Variants in THSD7A observed in about 807,000 individuals in gnomAD.
THSD7A encodes thrombospondin type-1 domain-containing protein 7A.
THSD7A carries 96 observed loss-of-function variants against 231.3 expected under a neutral mutation model. That is an observed-to-expected ratio of 0.41 (90% CI 0.35 to 0.49). THSD7A has a LOEUF of 0.49. THSD7A is among the 20% of genes least tolerant of loss of function. The pLI is 0.05. For synonymous variants in THSD7A, 940 were observed against 743.3 expected, an observed-to-expected ratio of 1.26 and a Z score of -4.30; for missense variants, 2,290 against 2,070.2, an observed-to-expected ratio of 1.11 and a Z score of -2.06.
intron 2 of THSD7A, among the ~76,000 whole-genome samples, chr7:11,611,283 A>T (rs1353610353): frequency 1.3e-5 from 2 of 152,132 alleles, no homozygotes; most frequent in African/African-American, 4.8e-5. Context: ...AAGTATATGC[A>T]GATGACACTT....
intron 2 of THSD7A, among the ~76,000 whole-genome samples, chr7:11,607,799 T>C (rs1448798420): frequency 6.6e-6 from 1 of 152,076 alleles, no homozygotes; most frequent in Non-Finnish European, 1.5e-5. Context: ...AGAGGTCTTT[T>C]CCCTTGCTTT....
intron 1 of THSD7A, among the ~76,000 whole-genome samples, chr7:11,810,185 C>G (rs1020961364): frequency 2.0e-5 from 3 of 152,096 alleles, no homozygotes; most frequent in Admixed American, 2.0e-4. Flanking sequence ...GTTGAGAGCA[C>G]CAGCAGGGAG....
At chr7:11,680,560 C>T (rs1241526145) in intron 1 of THSD7A, among the ~76,000 whole-genome samples, 1 of 152,154 alleles carries the variant, frequency 6.6e-6, no homozygotes, top group Non-Finnish European at 1.5e-5. Flanking sequence ...AGACACTTCT[C>T]AAAAGAAGAT....
At chr7:11,763,868 A>C (rs1782943586) in intron 1 of THSD7A, among the ~76,000 whole-genome samples, 1 of 152,148 alleles carries the variant, frequency 6.6e-6, no homozygotes, top group African/African-American at 2.4e-5. Flanking sequence ...TATTAGTTGG[A>C]GCTATAATCT....
chr7:11,580,461 A>G lies in THSD7A; in HGVS notation c.1453+9999T>C, dbSNP rs191453194. The stretch of plus-strand genomic sequence containing the variant: ...GTCTAAACTCCAAGTACACAAAGCT[A>G]TAACTTCAAGGCTTTTATCAGGCTA... On this transcript the variant is annotated intron_variant, in intron 4 of 27. Coordinates refer to ENST00000423059, the MANE Select transcript of THSD7A (RefSeq NM_015204.3). Among the ~76,000 whole-genome samples the G allele has an allele frequency of 6.4e-4, 98 of 152,312 alleles. 2 individuals carry two copies. The highest frequency in any genetic ancestry group is 1.3e-4 in the Non-Finnish European group (9 of 68,024).
intron 19 of THSD7A, among the ~76,000 whole-genome samples, chr7:11,409,591 G>C (rs1359539978): frequency 6.6e-6 from 1 of 152,044 alleles, no homozygotes; most frequent in East Asian, 1.9e-4. Flanking sequence ...GTATGCTTAG[G>C]TTTCAGCTTT....
At chr7:11,561,273 G>T (rs536968858) in intron 4 of THSD7A, among the ~76,000 whole-genome samples, 62 of 152,122 alleles carry the variant, frequency 4.1e-4, no homozygotes, top group Admixed American at 5.9e-4. Flanking sequence ...ATTTAATGAG[G>T]GTTGTTAATA....
chr7:11,590,457 T>C lies in THSD7A; in HGVS notation c.1453+3A>G, dbSNP rs911480674. 1 of 1,608,520 alleles carries C rather than the reference T, an allele frequency of 6.2e-7. No homozygotes were observed. The highest frequency in any genetic ancestry group is 1.7e-5 in the Admixed American group (1 of 59,184). Reference sequence around the variant, plus strand: ...GAATCCTTGAGAAGAAAGCAAAGGTTACCTTCTTTGTTCTTGTGGGTACTT... The same window carrying C: ...GAATCCTTGAGAAGAAAGCAAAGGTCACCTTCTTTGTTCTTGTGGGTACTT... On this transcript the variant is annotated splice_donor_region_variant and intron_variant, in intron 4 of 27. Transcript: ENST00000423059. The surrounding 1 kb of genome is among the most constrained non-coding windows in gnomAD (Gnocchi z 4.4).
chr7:11,386,386 C>A (rs1233397453), intron 23 of THSD7A, among the ~76,000 whole-genome samples: 1 of 152,122 alleles, frequency 6.6e-6, no homozygotes, highest in Non-Finnish European at 1.5e-5. Context: ...CCATTGTATC[C>A]TGACTTTTAA....
intron 14 of THSD7A, among the ~76,000 whole-genome samples, chr7:11,427,450 G>A (rs570778828): frequency 7.7e-4 from 117 of 152,222 alleles, no homozygotes; most frequent in African/African-American, 2.5e-3. Flanking sequence ...ATATATTAGA[G>A]TTGGAAAGTG....
intron 1 of THSD7A, among the ~76,000 whole-genome samples, chr7:11,761,753 C>A (rs58579773): frequency 0.039 from 5,932 of 151,922 alleles, 384 homozygotes; most frequent in African/African-American, 0.14. Context: ...TTCTTTCTTT[C>A]TTTAAGGTTT....
intron 6 of THSD7A, among the ~76,000 whole-genome samples, chr7:11,506,097 C>A (rs1365724431): frequency 6.6e-6 from 1 of 152,086 alleles, no homozygotes; most frequent in Non-Finnish European, 1.5e-5. Flanking sequence ...GATAATTTAA[C>A]TTCAAAAGGG....
chr7:11,595,839 C>G (rs1405376610), intron 2 of THSD7A, among the ~76,000 whole-genome samples: 1 of 152,230 alleles, frequency 6.6e-6, no homozygotes, highest in Non-Finnish European at 1.5e-5. Context: ...CGGCACTCAA[C>G]CATCAAAGGC....
intron 19 of THSD7A, among the ~76,000 whole-genome samples, chr7:11,408,845 A>G (rs1421734970): frequency 1.3e-5 from 2 of 152,192 alleles, no homozygotes; most frequent in African/African-American, 4.8e-5. Context: ...AACTTTTACC[A>G]TATCACTCAA....
At chr7:11,628,166 T>C (rs1159769019) in intron 2 of THSD7A, among the ~76,000 whole-genome samples, 1 of 152,172 alleles carries the variant, frequency 6.6e-6, no homozygotes, top group Non-Finnish European at 1.5e-5. Context: ...AAAAACCCTG[T>C]TACTAATAAA....
chr7:11,378,701 C>G, intron 26 of THSD7A: 1 of 209,702 alleles, frequency 4.8e-6, no homozygotes, highest in Admixed American at 5.3e-5. Flanking sequence ...ATGAAAAATT[C>G]TGGAATGTCT....
intron 1 of THSD7A, among the ~76,000 whole-genome samples, chr7:11,769,153 A>ATATATATATATTTTTTTTTTTTTTTTT: frequency 3.6e-5 from 1 of 27,648 alleles, no homozygotes; most frequent in Non-Finnish European, 7.0e-5. Context: ...ATATATATAT[A>ATATATATATATTTTTTTTTTTTTTTTT]TTTTTTTTTT....
chr7:11,379,436 G>T, intron 25 of THSD7A, 156 bp from the exon 26 acceptor site: 3 of 881,028 alleles, frequency 3.4e-6, no homozygotes, highest in Non-Finnish European at 5.2e-6. Context: ...CATACTTTTG[G>T]CATTATATGA....
chr7:11,646,643 G>A (rs1185057176), intron 1 of THSD7A, among the ~76,000 whole-genome samples: 1 of 151,998 alleles, frequency 6.6e-6, no homozygotes, highest in Non-Finnish European at 1.5e-5. Flanking sequence ...TACCTTTGGA[G>A]AATACATATT....
Sources: gnomAD v4.1 joint callset for allele counts (sites outside exome capture counted in the v4.1 genomes callset) on GRCh38, gnomAD v4.1.1 for gene constraint, Gnocchi (gnomAD v3.1) non-coding constraint, MANE v1.5 for transcripts, NCBI Gene and HGNC (gene_info 2026-07-23, HGNC 2026-07-21) for gene names.